DEPTOR: variants seen among roughly 807,000 people sequenced by gnomAD.
The protein encoded by DEPTOR is DEP domain-containing mTOR-interacting protein.
Under a neutral mutation model 41.6 loss-of-function variants are expected in DEPTOR, and 41 were observed. That is an observed-to-expected ratio of 0.98 (90% CI 0.77 to 1.28). DEPTOR has a LOEUF of 1.28. DEPTOR is among the 50% of genes most tolerant of loss of function. DEPTOR has a pLI of 0.00. For synonymous variants in DEPTOR, 195 were observed against 192.3 expected, an observed-to-expected ratio of 1.01 and a Z score of -0.12; for missense variants, 514 against 527.9, an observed-to-expected ratio of 0.97 and a Z score of 0.26.
At chr8:119,885,384 A>C (rs1827350791) in intron 1 of DEPTOR, among the ~76,000 whole-genome samples, 1 of 152,202 alleles carries the variant, frequency 6.6e-6, no homozygotes, top group South Asian at 2.1e-4. Context: ...TGAGGAACTG[A>C]CAATAATAAA....
At chr8:120,018,683 T>C (rs536590615) in intron 8 of DEPTOR, among the ~76,000 whole-genome samples, 1 of 152,298 alleles carries the variant, frequency 6.6e-6, no homozygotes, top group South Asian at 2.1e-4. Context: ...TGCAGAGTTG[T>C]AGCTTCTCAG....
intron 3 of DEPTOR, among the ~76,000 whole-genome samples, chr8:119,950,694 A>C (rs1010063490): frequency 3.3e-5 from 5 of 152,052 alleles, no homozygotes; most frequent in Non-Finnish European, 7.4e-5. Flanking sequence ...CCTCCCGTTC[A>C]AGCAATTCTC....
chr8:119,986,758 A>G (rs1828835553), intron 4 of DEPTOR, among the ~76,000 whole-genome samples: 1 of 151,610 alleles, frequency 6.6e-6, no homozygotes, highest in Non-Finnish European at 1.5e-5. Flanking sequence ...TCTTGTCTTC[A>G]TGCTTCATTT....
At chr8:119,878,749 AT>A (rs1827260377) in intron 1 of DEPTOR, among the ~76,000 whole-genome samples, 1 of 151,974 alleles carries the variant, frequency 6.6e-6, no homozygotes, top group Non-Finnish European at 1.5e-5. Context: ...AATTTTCTTC[AT>A]GTTTTTCCCT....
Position 119,979,484 on chromosome 8 carries a change from A to G in DEPTOR, c.604+14074A>G, listed in dbSNP as rs113682073. On this transcript the variant is annotated intron_variant, in intron 4 of 8. Coordinates refer to ENST00000286234, the MANE Select transcript of DEPTOR (RefSeq NM_022783.4). ...TGCAATGTTGCCCAGGCTGGCCTCCAACTCCTGACCTCACGTGATGCACCC... is the reference window on the plus strand; with the variant it reads ...TGCAATGTTGCCCAGGCTGGCCTCCGACTCCTGACCTCACGTGATGCACCC... Among the ~76,000 whole-genome samples, 130 of 152,182 alleles carry G rather than the reference A, an allele frequency of 8.5e-4. 2 individuals are homozygous for G. Among genetic ancestry groups the G allele is most frequent in the African/African-American group, 3.1e-3 (127 of 41,500 alleles).
intron 4 of DEPTOR, among the ~76,000 whole-genome samples, chr8:119,984,868 A>G (rs1460087060): frequency 6.6e-6 from 1 of 152,072 alleles, no homozygotes; most frequent in Non-Finnish European, 1.5e-5. Flanking sequence ...TGATTGAACT[A>G]ATTTACACTC....
intron 3 of DEPTOR, among the ~76,000 whole-genome samples, chr8:119,933,239 C>G (rs1828067952): frequency 6.6e-6 from 1 of 152,020 alleles, no homozygotes; most frequent in South Asian, 2.1e-4. Context: ...CCTGTAATCC[C>G]AGCACCTTGG....
At chr8:120,005,439 G>T (rs1056642375) in intron 6 of DEPTOR, among the ~76,000 whole-genome samples, 2 of 152,204 alleles carry the variant, frequency 1.3e-5, no homozygotes, top group Non-Finnish European at 2.9e-5. Context: ...CCAGAAGGCC[G>T]TTCATGTAAC....
intron 3 of DEPTOR, among the ~76,000 whole-genome samples, chr8:119,958,581 A>C (rs1828448207): frequency 6.6e-6 from 1 of 152,100 alleles, no homozygotes; most frequent in African/African-American, 2.4e-5. Context: ...CAGGAGTTTG[A>C]GACCAGCCTG....
intron 4 of DEPTOR, among the ~76,000 whole-genome samples, chr8:119,992,656 A>ATTTT (rs35642906): frequency 7.5e-6 from 1 of 133,758 alleles, no homozygotes; most frequent in Admixed American, 7.9e-5. Context: ...AGTAGAGTAA[A>ATTTT]TTTTTTTTTT....
chr8:119,999,556 C>T (rs1199845567), intron 4 of DEPTOR, among the ~76,000 whole-genome samples: 1 of 151,230 alleles, frequency 6.6e-6, no homozygotes, highest in East Asian at 2.0e-4. Context: ...CCCAGGAGTT[C>T]GAGGCTACAG....
intron 1 of DEPTOR, among the ~76,000 whole-genome samples, chr8:119,903,351 G>C (rs1285611722): frequency 6.6e-6 from 1 of 152,118 alleles, no homozygotes; most frequent in Non-Finnish European, 1.5e-5. Context: ...ACCCACCTTG[G>C]TCTCCCAAAG....
chr8:120,001,688 GA>G lies in DEPTOR; in HGVS notation c.771del (p.Lys257AsnfsTer8). 1 of 1,613,006 alleles carries G rather than the reference GA, an allele frequency of 6.2e-7. No homozygotes were observed. The highest frequency in any genetic ancestry group is 1.7e-5 in the Admixed American group (1 of 59,834). ...CLRKQSHDNR[K>X]STSFMSVSPS... ...TGAGGAAGCAGAGCCATGACAATCGGAAATCTACCAGCTTTATGTCAGGTAT... is the reference window on the plus strand; with the variant it reads ...TGAGGAAGCAGAGCCATGACAATCGGAATCTACCAGCTTTATGTCAGGTAT... On this transcript the variant is annotated frameshift_variant, in exon 5 of 9. Coordinates refer to ENST00000286234, the MANE Select transcript of DEPTOR (RefSeq NM_022783.4). LOFTEE classifies it high-confidence loss of function.
chr8:119,964,962 A>G (rs1296208396), intron 3 of DEPTOR, among the ~76,000 whole-genome samples: 1 of 152,076 alleles, frequency 6.6e-6, no homozygotes, highest in Non-Finnish European at 1.5e-5. Flanking sequence ...AATCCCAGCT[A>G]TTCGGGAGAT....
intron 1 of DEPTOR, among the ~76,000 whole-genome samples, chr8:119,921,574 C>T (rs948649117): frequency 2.6e-5 from 4 of 152,058 alleles, no homozygotes; most frequent in South Asian, 2.1e-4. Context: ...CCCCATCATA[C>T]TCAGTTTTCT....
At position 119,935,928 on chromosome 8, in the gene DEPTOR, T is replaced by G. The variant is rs1213845244; in HGVS notation, c.425+5990T>G. Among the ~76,000 whole-genome samples, 5 of 151,902 alleles carry G rather than the reference T, an allele frequency of 3.3e-5. No homozygotes were observed. In the East Asian group the frequency reaches 9.6e-4, roughly 29 times the overall value. ...AAACTTAGAAGAGACTTCTTAATTT[T>G]AATTCAACCTCAGTTTTGATATGGA... On this transcript the variant is annotated intron_variant, in intron 3 of 8. Coordinates refer to ENST00000286234, the MANE Select transcript of DEPTOR (RefSeq NM_022783.4).
chr8:120,001,196 G>T (rs1338002407), intron 4 of DEPTOR, among the ~76,000 whole-genome samples: 1 of 152,158 alleles, frequency 6.6e-6, no homozygotes, highest in East Asian at 1.9e-4. Flanking sequence ...TAGAGGGAAA[G>T]AGAAGGGGCA....
rs1372935815 is a variant in DEPTOR at position 119,928,495 on chromosome 8, T to C, written c.218T>C (p.Leu73Pro). The C allele has an allele frequency of 6.2e-7, 1 of 1,614,158 alleles. No individual in the cohort carries two copies. Among genetic ancestry groups the C allele is most frequent in the Admixed American group, 1.7e-5 (1 of 60,022 alleles). ...CFVAKELIDWLIEHKEASDRE... is the reference protein window; with the variant it reads ...CFVAKELIDWPIEHKEASDRE... ...GTCGCAAAAGAACTGATTGACTGGC[T>C]GATTGAACACAAAGAGGCTTCTGAC... The change falls in exon 2 of 9, where the codon CTG becomes CCG. Residue 73 changes from leucine (L) to proline (P), a missense_variant. Physicochemically the swap from Leu to Pro is moderately conservative, Grantham distance 98. Transcript: ENST00000286234.
chr8:119,930,829 C>T (rs1225434014), intron 3 of DEPTOR, among the ~76,000 whole-genome samples: 3 of 152,082 alleles, frequency 2.0e-5, no homozygotes, highest in African/African-American at 7.2e-5. Flanking sequence ...TTTAGTTTTC[C>T]AGGGCAACCA....
Sources: allele counts gnomAD v4.1 joint callset (sites outside exome capture counted in the v4.1 genomes callset), GRCh38; gene constraint gnomAD v4.1.1; transcripts MANE v1.5; gene names NCBI Gene and HGNC (gene_info 2026-07-23, HGNC 2026-07-21).